STAG1: variants seen among roughly 807,000 people sequenced by gnomAD.
The protein encoded by STAG1 is cohesin subunit SA-1.
A neutral mutation model predicts 170.9 loss-of-function variants in STAG1; 26 were observed. The ratio of observed to expected loss-of-function variants is 0.15; its 90% CI spans 0.11 to 0.21. STAG1 has a LOEUF of 0.21. Among genes scored for constraint, STAG1 ranks in the 10% least tolerant of loss-of-function variants. The pLI is 1.00. For missense variants in STAG1, 964 were observed against 1,509.5 expected (o/e 0.64, Z 5.99); for synonymous variants, 514 against 497.7 (o/e 1.03, Z -0.44).
intron 22 of STAG1, among the ~76,000 whole-genome samples, chr3:136,397,731 C>T (rs965768279): frequency 1.4e-4 from 21 of 152,026 alleles, no homozygotes; most frequent in Non-Finnish European, 3.1e-4. Flanking sequence ...CCTTGAGAAA[C>T]ATCCTCAAGG....
intron 6 of STAG1, among the ~76,000 whole-genome samples, chr3:136,531,063 C>T (rs374317892): frequency 6.6e-6 from 1 of 152,260 alleles, no homozygotes; most frequent in South Asian, 2.1e-4. Context: ...CGAGATCACG[C>T]ACTGCACTCT....
chr3:136,421,199 T>C (rs776811326), intron 19 of STAG1, 36 bp from the exon 20 acceptor site: 62 of 1,432,302 alleles, frequency 4.3e-5, no homozygotes, highest in South Asian at 4.2e-4. Context: ...ATTACAACTT[T>C]ACTCACCTTA....
At position 136,452,081 on chromosome 3, in the gene STAG1, C is replaced by A. The variant is rs371066583; in HGVS notation, c.1380G>T (p.Pro460=). The A allele has an allele frequency of 6.2e-7, 1 of 1,613,286 alleles. No homozygotes were observed. Among genetic ancestry groups the A allele is most frequent in the Non-Finnish European group, 8.5e-7 (1 of 1,179,806 alleles). ...ALAKRRGRNS[P]NGNLIRMLVL... ...CCAGCATCCTAATGAGGTTTCCATT[C>A]GGGCTGTTTCTTCCCCTCCTCTTTG... The change falls in exon 14 of 34, where the codon CCG becomes CCT. Residue 460 remains proline (P), a synonymous_variant. Coordinates refer to ENST00000383202, the MANE Select transcript of STAG1 (RefSeq NM_005862.3).
chr3:136,744,981 C>T (rs975686221), intron 1 of STAG1, among the ~76,000 whole-genome samples: 1 of 152,102 alleles, frequency 6.6e-6, no homozygotes, highest in Middle Eastern at 3.2e-3. Context: ...CAGCCACAAC[C>T]AGCATTCCTA....
chr3:136,381,649 T>C (rs1362714602), intron 22 of STAG1, among the ~76,000 whole-genome samples: 1 of 152,162 alleles, frequency 6.6e-6, no homozygotes, highest in East Asian at 1.9e-4. Context: ...CTGATAGAAG[T>C]CTTTTAAGGT....
intron 5 of STAG1, among the ~76,000 whole-genome samples, chr3:136,555,799 T>C (rs1936592171): frequency 1.3e-5 from 2 of 151,854 alleles, no homozygotes; most frequent in Admixed American, 6.6e-5. Flanking sequence ...CCAGATGCCT[T>C]GAATTCTACC....
At chr3:136,445,859 TATTA>T (rs1008813585) in intron 14 of STAG1, among the ~76,000 whole-genome samples, 1 of 152,204 alleles carries the variant, frequency 6.6e-6, no homozygotes, top group African/African-American at 2.4e-5. Context: ...TTATCCAGCC[TATTA>T]TTTATAAACT....
At chr3:136,351,888 C>T (rs528068648) in intron 28 of STAG1, among the ~76,000 whole-genome samples, 6 of 152,206 alleles carry the variant, frequency 3.9e-5, no homozygotes, top group South Asian at 4.2e-4. Context: ...GGGGTTTAAG[C>T]GCAACCTTTG....
intron 1 of STAG1, among the ~76,000 whole-genome samples, chr3:136,651,619 A>G (rs1941218793): frequency 6.6e-6 from 1 of 152,102 alleles, no homozygotes; most frequent in South Asian, 2.1e-4. Context: ...CTCATGCTAG[A>G]TCAGTATATA....
At chr3:136,349,780 T>C (rs1936365807) in intron 28 of STAG1, among the ~76,000 whole-genome samples, 3 of 152,220 alleles carry the variant, frequency 2.0e-5, no homozygotes, top group African/African-American at 7.2e-5. Context: ...ACATTTTAAC[T>C]AGTAAAAATT....
At chr3:136,703,300 C>T (rs1943133341) in intron 1 of STAG1, among the ~76,000 whole-genome samples, 1 of 152,146 alleles carries the variant, frequency 6.6e-6, no homozygotes. Flanking sequence ...TTCCATGTAG[C>T]AGCTACCATC....
rs1209662636 is a variant in STAG1, at chr3:136,377,256, G to A, written c.2370+404C>T. 2.0e-5 allele frequency among the ~76,000 whole-genome samples: 3 copies of A among 148,034 alleles called. No homozygotes were observed. The East Asian group carries it at 6.0e-4, about 30-fold the overall frequency. On this transcript the variant is annotated intron_variant, in intron 23 of 33. Transcript: ENST00000383202. The stretch of plus-strand genomic sequence containing the variant: ...CAAAAAATTAGCTGGGCGCAGTGGC[G>A]GGTGCCTGTAGTCCCAGCTACTCGG...
intron 1 of STAG1, among the ~76,000 whole-genome samples, chr3:136,704,650 A>G (rs1223061912): frequency 2.6e-5 from 4 of 151,636 alleles, no homozygotes; most frequent in Non-Finnish European, 5.9e-5. Flanking sequence ...AAACATAACA[A>G]AACTCCGTCT....
chr3:136,702,160 A>G (rs1576784975), intron 1 of STAG1, among the ~76,000 whole-genome samples: 1 of 81,404 alleles, frequency 1.2e-5, no homozygotes, highest in Non-Finnish European at 2.3e-5. Context: ...AGAGACAGAG[A>G]GAATGAGAAT....
At chr3:136,737,094 G>A in intron 1 of STAG1, 1 of 928,940 alleles carries the variant, frequency 1.1e-6, no homozygotes, top group Non-Finnish European at 1.8e-6. Context: ...AGAGGAACCA[G>A]GACAGGTCAG....
chr3:136,709,547 C>A (rs896248640), intron 1 of STAG1, among the ~76,000 whole-genome samples: 1 of 151,978 alleles, frequency 6.6e-6, no homozygotes, highest in Non-Finnish European at 1.5e-5. Context: ...CCAGCCTGGG[C>A]AACATCATGA....
rs188638421 is a variant in STAG1 at position 136,429,122 on chromosome 3, G to A, written c.1650+4434C>T. Among the ~76,000 whole-genome samples the A allele has an allele frequency of 2.1e-4, 31 of 150,276 alleles. No homozygotes were observed. In the East Asian group the frequency reaches 4.4e-3, roughly 21 times the overall value. On this transcript the variant is annotated intron_variant, in intron 16 of 33. Transcript: ENST00000383202. ...ATTGCACTCCAGCCTGGAACAGAGC[G>A]CAGGCTGGGAGAGGTGGCTCACACC... is the stretch of plus-strand genomic sequence containing the variant.
chr3:136,465,198 A>G (rs1227644571), intron 12 of STAG1, among the ~76,000 whole-genome samples: 2 of 151,444 alleles, frequency 1.3e-5, no homozygotes, highest in African/African-American at 2.4e-5. Flanking sequence ...AGAAGAAAAT[A>G]AAATGCTCAC....
chr3:136,736,758 T>C, intron 1 of STAG1: 1 of 1,600,428 alleles, frequency 6.2e-7, no homozygotes, highest in South Asian at 1.1e-5. Flanking sequence ...AGTTTCATTG[T>C]CTGTTTATAT....
Sources: gnomAD v4.1 joint callset for allele counts (sites outside exome capture counted in the v4.1 genomes callset) on GRCh38, gnomAD v4.1.1 for gene constraint, MANE v1.5 for transcripts, NCBI Gene and HGNC (gene_info 2026-07-23, HGNC 2026-07-21) for gene names.